ALK: variants seen among roughly 807,000 people sequenced by gnomAD.
ALK encodes ALK receptor tyrosine kinase.
In ALK, 74 loss-of-function variants were observed where a neutral mutation model predicts 163.1. That is an observed-to-expected ratio of 0.45 (90% CI 0.38 to 0.55). The LOEUF (loss-of-function observed/expected upper bound fraction) is 0.55, where lower values mean the gene tolerates loss of function less well. Among genes scored for constraint, ALK ranks in the 20% least tolerant of loss-of-function variants. ALK has a pLI of 0.00. For missense variants in ALK, 2,063 were observed against 2,105.3 expected, an observed-to-expected ratio of 0.98 and a Z score of 0.39; for synonymous variants, 960 against 843.2, an observed-to-expected ratio of 1.14 and a Z score of -2.40.
intron 5 of ALK, among the ~76,000 whole-genome samples, chr2:29,380,699 G>A (rs1668875406): frequency 2.0e-5 from 3 of 152,154 alleles, no homozygotes; most frequent in Admixed American, 6.5e-5. Flanking sequence ...CTCACAAAGT[G>A]TTGGGATTAT....
intron 5 of ALK, among the ~76,000 whole-genome samples, chr2:29,379,195 T>G (rs950325054): frequency 1.3e-4 from 20 of 152,302 alleles, no homozygotes; most frequent in Non-Finnish European, 2.1e-4. Flanking sequence ...AGCCCAGGCA[T>G]GGGTGTCTCT....
At chr2:29,643,336 A>G (rs1262272952) in intron 3 of ALK, among the ~76,000 whole-genome samples, 3 of 152,240 alleles carry the variant, frequency 2.0e-5, no homozygotes, top group East Asian at 1.9e-4. Flanking sequence ...TCTGAACATA[A>G]CAAAGTTGAC....
chr2:29,613,892 C>T (rs1197433663), intron 3 of ALK, among the ~76,000 whole-genome samples: 1 of 152,144 alleles, frequency 6.6e-6, no homozygotes, highest in Non-Finnish European at 1.5e-5. Flanking sequence ...GAGACAGATC[C>T]ACTCCCAGCA....
At chr2:29,870,303 C>T (rs983154257) in intron 1 of ALK, among the ~76,000 whole-genome samples, 2 of 152,138 alleles carry the variant, frequency 1.3e-5, no homozygotes, top group African/African-American at 4.8e-5. Flanking sequence ...AGGAAACTTA[C>T]AATAGTGGCA....
At chr2:29,480,791 A>T (rs918259525) in intron 4 of ALK, among the ~76,000 whole-genome samples, 6 of 1,304 alleles carry the variant, frequency 4.6e-3, no homozygotes, top group Non-Finnish European at 0.023. Flanking sequence ...CAGACATCTT[A>T]AAAAAAAAAA....
At chr2:29,915,964 A>G (rs1247411293) in intron 1 of ALK, among the ~76,000 whole-genome samples, 1 of 152,248 alleles carries the variant, frequency 6.6e-6, no homozygotes, top group Non-Finnish European at 1.5e-5. Flanking sequence ...CACCAACTTC[A>G]AAGATGTATA....
intron 23 of ALK, among the ~76,000 whole-genome samples, chr2:29,215,378 C>G (rs1176238362): frequency 6.6e-6 from 1 of 152,234 alleles, no homozygotes; most frequent in East Asian, 1.9e-4. Context: ...TAGACAGAGT[C>G]TTGCTTCTCT....
At chr2:29,776,147 C>G (rs1024653797) in intron 1 of ALK, among the ~76,000 whole-genome samples, 2 of 151,026 alleles carry the variant, frequency 1.3e-5, no homozygotes, top group African/African-American at 4.9e-5. Context: ...TATATTCAGA[C>G]CTTCCTGGAA....
At chr2:29,202,523 C>T (rs138662614) in intron 26 of ALK, among the ~76,000 whole-genome samples, 1 of 152,372 alleles carries the variant, frequency 6.6e-6, no homozygotes, top group Non-Finnish European at 1.5e-5. Context: ...TCTCTGCTCT[C>T]CTGAAGTTAG....
At chr2:29,555,610 T>C (rs1304889692) in intron 3 of ALK, among the ~76,000 whole-genome samples, 1 of 152,206 alleles carries the variant, frequency 6.6e-6, no homozygotes, top group Non-Finnish European at 1.5e-5. Context: ...GAATATGATT[T>C]ATATTGACTT....
intron 4 of ALK, among the ~76,000 whole-genome samples, chr2:29,441,397 G>A (rs934393207): frequency 5.3e-5 from 8 of 152,214 alleles, no homozygotes; most frequent in African/African-American, 1.2e-4. Context: ...GGCAGGGCCC[G>A]CCCTGGCTGG....
At chr2:29,750,781 G>A (rs1212555081) in intron 1 of ALK, among the ~76,000 whole-genome samples, 1 of 151,664 alleles carries the variant, frequency 6.6e-6, no homozygotes, top group Non-Finnish European at 1.5e-5. Flanking sequence ...GAGAATGACA[G>A]AGGCCGGGCG....
At chr2:29,757,726 A>G (rs1680577622) in intron 1 of ALK, among the ~76,000 whole-genome samples, 1 of 152,096 alleles carries the variant, frequency 6.6e-6, no homozygotes, top group African/African-American at 2.4e-5. Context: ...GTAAAGGGCA[A>G]GACAGTAAAT....
chr2:29,444,881 C>T (rs1573360037), intron 4 of ALK, among the ~76,000 whole-genome samples: 2 of 152,158 alleles, frequency 1.3e-5, no homozygotes, highest in South Asian at 4.1e-4. Context: ...CCTGCCCATG[C>T]CTGTCCACAT....
intron 3 of ALK, among the ~76,000 whole-genome samples, chr2:29,668,384 G>A (rs757932977): frequency 1.3e-5 from 2 of 151,468 alleles, no homozygotes; most frequent in African/African-American, 4.9e-5. Flanking sequence ...TAAAACATAG[G>A]TATTTATTGC....
chr2:29,248,735 A>G (rs918484372), intron 12 of ALK, among the ~76,000 whole-genome samples: 1 of 152,250 alleles, frequency 6.6e-6, no homozygotes, highest in Non-Finnish European at 1.5e-5. Context: ...CACTTCATGC[A>G]GATCAGAAAC....
chr2:29,251,841 C>A (rs907911628), intron 11 of ALK, among the ~76,000 whole-genome samples: 3 of 152,208 alleles, frequency 2.0e-5, no homozygotes, highest in Non-Finnish European at 4.4e-5. Flanking sequence ...TACATTGGCT[C>A]AGGGACCCAG....
intron 1 of ALK, among the ~76,000 whole-genome samples, chr2:29,764,802 G>T (rs2148339863): frequency 6.6e-6 from 1 of 152,294 alleles, no homozygotes; most frequent in Middle Eastern, 3.4e-3. Flanking sequence ...ATCTGTTTCT[G>T]GTTGTCCTTC....
At chr2:29,654,109 T>G (rs1677111208) in intron 3 of ALK, among the ~76,000 whole-genome samples, 1 of 152,170 alleles carries the variant, frequency 6.6e-6, no homozygotes, top group Non-Finnish European at 1.5e-5. Context: ...AAAGTGAATT[T>G]ATACACATTA....
Sources: gnomAD v4.1 joint callset for allele counts (sites outside exome capture counted in the v4.1 genomes callset) on GRCh38, gnomAD v4.1.1 for gene constraint, MANE v1.5 for transcripts, NCBI Gene and HGNC (gene_info 2026-07-23, HGNC 2026-07-21) for gene names.